Variants in DERL3 observed in about 807,000 individuals in gnomAD.
DERL3 encodes derlin-3.
Under a neutral mutation model 23.8 loss-of-function variants are expected in DERL3, and 20 were observed. That is an observed-to-expected ratio of 0.84 (90% confidence interval 0.59 to 1.22). The LOEUF is 1.22. DERL3 is among the 50% of genes most tolerant of loss of function. The pLI is 0.00. For missense variants in DERL3, 319 were observed against 304.1 expected (o/e 1.05, Z -0.36); for synonymous variants, 145 against 132.5 (o/e 1.09, Z -0.65).
Position 23,838,440 on chromosome 22 carries a change from C to A in DERL3, c.239G>T (p.Arg80Leu), listed in dbSNP as rs2031285453. Reference sequence around the variant, plus strand: ...GCCCTCTTCCAGCATGCGGCAGTAGCGGAACCTACGGCGTCGGTATAGGAA... The same window carrying A: ...GCCCTCTTCCAGCATGCGGCAGTAGAGGAACCTACGGCGTCGGTATAGGAA... Reference protein sequence around the residue: ...SFFFNMLFVFRYCRMLEEGSF... With the variant: ...SFFFNMLFVFLYCRMLEEGSF... The change falls in exon 4 of 7, where the codon CGC (arginine) becomes CTC (leucine). Residue 80 changes from arginine (R) to leucine (L), a missense_variant. Coordinates refer to ENST00000318109, the MANE Select transcript of DERL3 (RefSeq NM_001002862.3). 2 of 1,602,312 alleles carry A rather than the reference C, an allele frequency of 1.2e-6. No individual in the cohort carries two copies. The highest frequency in any genetic ancestry group is 2.7e-5 in the African/African-American group (2 of 74,582).
In DERL3 at chr22:23,834,540, A is replaced by AGGTCAT; in HGVS notation, c.*2328_*2329insATGACC. 18 of 661,664 alleles carry AGGTCAT rather than the reference A, an allele frequency of 2.7e-5. No individual in the cohort carries two copies. Among genetic ancestry groups the AGGTCAT allele is most frequent in the Middle Eastern group, 2.5e-4 (1 of 4,072 alleles). The allele number at this position is 661,664 out of a possible 1,614,324, so 41.0% of individuals were successfully genotyped here. On this transcript the variant is annotated 3_prime_UTR_variant, in exon 7 of 7. Coordinates refer to ENST00000318109, the MANE Select transcript of DERL3 (RefSeq NM_001002862.3). The stretch of plus-strand genomic sequence containing the variant: ...AACAGGTCATGTTCAATTTCTTCAA[A>AGGTCAT]GTTTTAACATAAAAATAATGAGAGC...
chr22:23,835,358 G>A lies in DERL3; in HGVS notation c.*1511C>T. The A allele has an allele frequency of 2.0e-6, 2 of 992,788 alleles. No homozygotes were observed. Among genetic ancestry groups the A allele is most frequent in the Non-Finnish European group, 2.4e-6 (2 of 835,220 alleles). 61.5% of individuals were successfully genotyped at this position (992,788 alleles called of 1,614,324 possible). A position where few individuals can be genotyped will look rare whatever the true frequency, so the allele number is the denominator to read the frequency against. On this transcript the variant is annotated 3_prime_UTR_variant, in exon 7 of 7. Coordinates refer to ENST00000318109, the MANE Select transcript of DERL3 (RefSeq NM_001002862.3). Reference sequence around the variant, plus strand: ...GGCACAGATCCCAGCACAGACTGCTGCCACCCTCAGCTGTTGGCAGGTCCC... The same window carrying A: ...GGCACAGATCCCAGCACAGACTGCTACCACCCTCAGCTGTTGGCAGGTCCC...
chr22:23,835,034 G>C lies in DERL3; in HGVS notation c.*1835C>G. ...GTGGCACCCATAGCCAGGTCAGCTG[G>C]GGCCCTTTCCCACCCCAGCAGGTGC... On this transcript the variant is annotated 3_prime_UTR_variant, in exon 7 of 7. Transcript: ENST00000318109. 1 of 1,412,724 alleles carries C rather than the reference G, an allele frequency of 7.1e-7. No homozygotes were observed. Among genetic ancestry groups the C allele is most frequent in the Non-Finnish European group, 9.2e-7 (1 of 1,085,682 alleles). 87.5% of individuals were successfully genotyped at this position (1,412,724 alleles called of 1,614,324 possible).
rs1340225252 is a variant in DERL3, at chr22:23,835,019, T to C, written c.*1850A>G. On this transcript the variant is annotated 3_prime_UTR_variant, in exon 7 of 7. Transcript: ENST00000318109. Reference sequence around the variant, plus strand: ...GCTGTTCTAGCTCCAGTGGCACCCATAGCCAGGTCAGCTGGGGCCCTTTCC... The same window carrying C: ...GCTGTTCTAGCTCCAGTGGCACCCACAGCCAGGTCAGCTGGGGCCCTTTCC... 7.7e-6 allele frequency: 11 copies of C among 1,434,392 alleles called. No individual in the cohort carries two copies. The Admixed American group carries it at 1.9e-4, about 25-fold the overall frequency. The allele number at this position is 1,434,392 out of a possible 1,614,324, so 88.9% of individuals were successfully genotyped here. A position where few individuals can be genotyped will look rare whatever the true frequency, so the allele number is the denominator to read the frequency against.
intron 5 of DERL3, 105 bp from the exon 6 acceptor site, chr22:23,837,259 C>T (rs2031140748): frequency 7.1e-7 from 1 of 1,407,226 alleles, no homozygotes; most frequent in African/African-American, 1.4e-5. Flanking sequence ...CCCTGCAGGC[C>T]CCACAGCATG....
Position 23,835,025 on chromosome 22 carries a change from G to A in DERL3, c.*1844C>T. 1 of 1,421,156 alleles carries A rather than the reference G, an allele frequency of 7.0e-7. No individual in the cohort carries two copies. Among genetic ancestry groups the A allele is most frequent in the Non-Finnish European group, 9.2e-7 (1 of 1,089,586 alleles). 88.0% of individuals were successfully genotyped at this position (1,421,156 alleles called of 1,614,324 possible). On this transcript the variant is annotated 3_prime_UTR_variant, in exon 7 of 7. Coordinates refer to ENST00000318109, the MANE Select transcript of DERL3 (RefSeq NM_001002862.3). ...CTAGCTCCAGTGGCACCCATAGCCAGGTCAGCTGGGGCCCTTTCCCACCCC... is the reference window on the plus strand; with the variant it reads ...CTAGCTCCAGTGGCACCCATAGCCAAGTCAGCTGGGGCCCTTTCCCACCCC...
chr22:23,837,963 C>T (rs1427337697), intron 4 of DERL3, 109 bp from the exon 5 acceptor site: 14 of 1,291,194 alleles, frequency 1.1e-5, no homozygotes, highest in Non-Finnish European at 1.5e-5. Context: ...TGTGCTATTC[C>T]CTCATCAAGA....
chr22:23,834,700 C>CCTCTCAGCTCCCCTCAGCCT lies in DERL3; in HGVS notation c.*2149_*2168dup. On this transcript the variant is annotated 3_prime_UTR_variant, in exon 7 of 7. Coordinates refer to ENST00000318109, the MANE Select transcript of DERL3 (RefSeq NM_001002862.3). ...TGGGGCTCCGGGTAGCACCTCAGCT[C>CCTCTCAGCTCCCCTCAGCCT]CTCTCAGCTCCCCTCAGCCTGTTCT... is the stretch of plus-strand genomic sequence containing the variant. 5 of 1,318,996 alleles carry CCTCTCAGCTCCCCTCAGCCT rather than the reference C, an allele frequency of 3.8e-6. No homozygotes were observed. The highest frequency in any genetic ancestry group is 5.1e-6 in the Non-Finnish European group (5 of 980,292). The allele number at this position is 1,318,996 out of a possible 1,614,324, so 81.7% of individuals were successfully genotyped here. A position where few individuals can be genotyped will look rare whatever the true frequency, so the allele number is the denominator to read the frequency against.
Position 23,834,711 on chromosome 22 carries a change from C to T in DERL3, c.*2158G>A. ...GTAGCACCTCAGCTCCTCTCAGCTCCCCTCAGCCTGTTCTCCTTCCAGACC... is the reference window on the plus strand; with the variant it reads ...GTAGCACCTCAGCTCCTCTCAGCTCTCCTCAGCCTGTTCTCCTTCCAGACC... On this transcript the variant is annotated 3_prime_UTR_variant, in exon 7 of 7. Transcript: ENST00000318109. The T allele has an allele frequency of 4.4e-6, 6 of 1,377,060 alleles. No individual in the cohort carries two copies. The highest frequency in any genetic ancestry group is 2.4e-5 in the Admixed American group (1 of 41,284). The allele number at this position is 1,377,060 out of a possible 1,614,324, so 85.3% of individuals were successfully genotyped here. A position where few individuals can be genotyped will look rare whatever the true frequency, so the allele number is the denominator to read the frequency against.
chr22:23,837,435 G>A (rs1043591497), intron 5 of DERL3: 4 of 647,442 alleles, frequency 6.2e-6, no homozygotes, highest in African/African-American at 1.8e-5. Context: ...ACTCCCATCA[G>A]GACCGTGCAA....
rs1190761044 is a variant in DERL3, at chr22:23,836,880, G to A, written c.697C>T (p.Pro233Ser). 1.4e-6 allele frequency: 2 copies of A among 1,475,980 alleles called. No individual in the cohort carries two copies. The highest frequency in any genetic ancestry group is 1.4e-5 in the African/African-American group (1 of 70,756). 91.4% of individuals were successfully genotyped at this position (1,475,980 alleles called of 1,614,324 possible). A position where few individuals can be genotyped will look rare whatever the true frequency, so the allele number is the denominator to read the frequency against. Residue 233 changes from proline (P) to serine (S), a missense_variant, in exon 7 of 7, where the codon CCG (proline) becomes TCG (serine). Physicochemically the swap from Pro to Ser is moderately conservative, Grantham distance 74. Transcript: ENST00000318109. The part of the protein sequence containing the change: ...EEQPGPHLPP[P>S]QQ ...GCCCTGGGTGGGGGTCACTGCTGCG[G>A]GGGTGGCAGATGGGGTCCTGGCTGT... is the stretch of plus-strand genomic sequence containing the variant.
Position 23,838,889 on chromosome 22 carries a change from G to A in DERL3, c.93+6C>T. ...AAGGCGACGTCCGGTCCGCCCGGCCGCTTACCACCGCGGCGGTGGTGAGGA... is the reference window on the plus strand; with the variant it reads ...AAGGCGACGTCCGGTCCGCCCGGCCACTTACCACCGCGGCGGTGGTGAGGA... On this transcript the variant is annotated splice_donor_region_variant and intron_variant, in intron 1 of 6. Coordinates refer to ENST00000318109, the MANE Select transcript of DERL3 (RefSeq NM_001002862.3). The A allele has an allele frequency of 1.3e-6, 2 of 1,558,990 alleles. No individual in the cohort carries two copies. Among genetic ancestry groups the A allele is most frequent in the Non-Finnish European group, 8.7e-7 (1 of 1,151,324 alleles).
Position 23,834,683 on chromosome 22 carries a change from C to T in DERL3, c.*2186G>A, listed in dbSNP as rs1176418396. Reference sequence around the variant, plus strand: ...GGGCAGGTGGGGGTGAATGGGGCTCCGGGTAGCACCTCAGCTCCTCTCAGC... The same window carrying T: ...GGGCAGGTGGGGGTGAATGGGGCTCTGGGTAGCACCTCAGCTCCTCTCAGC... On this transcript the variant is annotated 3_prime_UTR_variant, in exon 7 of 7. Coordinates refer to ENST00000318109, the MANE Select transcript of DERL3 (RefSeq NM_001002862.3). 22 of 1,201,356 alleles carry T rather than the reference C, an allele frequency of 1.8e-5. No individual in the cohort carries two copies. The highest frequency in any genetic ancestry group is 6.1e-5 in the South Asian group (4 of 65,434). 74.4% of individuals were successfully genotyped at this position (1,201,356 alleles called of 1,614,324 possible). A position where few individuals can be genotyped will look rare whatever the true frequency, so the allele number is the denominator to read the frequency against.
In DERL3 at chr22:23,837,140, G is replaced by A; in HGVS notation, c.538C>T (p.His180Tyr). Residue 180 changes from histidine to tyrosine, a missense_variant, in exon 6 of 7, where the codon CAT (histidine) becomes TAT (tyrosine). Transcript: ENST00000318109. ...LVDLLGIAVGHIYYFLEDVFP... is the reference protein window; with the variant it reads ...LVDLLGIAVGYIYYFLEDVFP... ...ACGTCCTCCAGGAAGTAGTAGATAT[G>A]GCCCACCGCAATCCCTGTGAGACAG... is the stretch of plus-strand genomic sequence containing the variant. The A allele has an allele frequency of 1.2e-6, 2 of 1,613,918 alleles. No individual in the cohort carries two copies. The highest frequency in any genetic ancestry group is 1.7e-5 in the Admixed American group (1 of 60,002).
At chr22:23,837,591 G>C in intron 5 of DERL3, 68 bp downstream of exon 5, 1 of 1,524,710 alleles carries the variant, frequency 6.6e-7, no homozygotes, top group South Asian at 1.2e-5. Flanking sequence ...AGGGGCCCCA[G>C]GGCATAAGCA....
rs923821465 is a variant in DERL3, at chr22:23,838,092, C to G, written c.328-238G>C. The G allele has an allele frequency of 7.4e-6, 11 of 1,491,772 alleles. No homozygotes were observed. The Admixed American group carries it at 2.3e-4, about 32-fold the overall frequency. 92.4% of individuals were successfully genotyped at this position (1,491,772 alleles called of 1,614,324 possible). On this transcript the variant is annotated intron_variant, in intron 4 of 6. Coordinates refer to ENST00000318109, the MANE Select transcript of DERL3 (RefSeq NM_001002862.3). The stretch of plus-strand genomic sequence containing the variant: ...CTGCCTGTCCCTGCCCCAGTTTCTC[C>G]CGGCTACTCGCATTCAGGGCTCAGC...
chr22:23,838,921 C>T lies in DERL3; in HGVS notation c.67G>A (p.Ala23Thr), dbSNP rs1568971715. The T allele has an allele frequency of 1.3e-6, 2 of 1,574,610 alleles. No individual in the cohort carries two copies. The highest frequency in any genetic ancestry group is 2.3e-5 in the East Asian group (1 of 43,142). The change falls in exon 1 of 7, where the codon GCC becomes ACC. Residue 23 changes from alanine to threonine, a missense_variant. By Grantham distance (58) the Ala-to-Thr change is moderately conservative. Coordinates refer to ENST00000318109, the MANE Select transcript of DERL3 (RefSeq NM_001002862.3). ...VPAVTRAYTA[A>T]CVLTTAAVQL... ...ACCGCGGCGGTGGTGAGGACACAGG[C>T]TGCGGTGTAAGCCCGCGTCACCGCC...
chr22:23,837,219 T>C, intron 5 of DERL3, 65 bp from the exon 6 acceptor site: 1 of 1,577,506 alleles, frequency 6.3e-7, no homozygotes, highest in African/African-American at 1.4e-5. Context: ...CAGCAGAGCC[T>C]GCCCCAGGCC....
chr22:23,837,554 TGAGGAGAACTCCAGCAAGGATGGGA>T, intron 5 of DERL3, 80 bp downstream of exon 5: 1 of 1,196,226 alleles, frequency 8.4e-7, no homozygotes, highest in Non-Finnish European at 1.2e-6. Flanking sequence ...GAGCCAGGTG[TGAGGAGAACTCCAGCAAGGATGGGA>T]GAGGGGCCCC....
Sources: gnomAD v4.1 joint callset for allele counts on GRCh38, gnomAD v4.1.1 for gene constraint, MANE v1.5 for transcripts, NCBI Gene and HGNC (gene_info 2026-07-23, HGNC 2026-07-21) for gene names.